TRABD2B: variants seen among roughly 807,000 people sequenced by gnomAD.
TRABD2B encodes TraB domain containing 2B.
In TRABD2B, 14 loss-of-function variants were observed where a neutral mutation model predicts 40.1. The observed-to-expected ratio is 0.35, with a 90% CI of 0.23 to 0.55. The LOEUF (loss-of-function observed/expected upper bound fraction) is 0.55. Among genes scored for constraint, TRABD2B ranks in the 20% least tolerant of loss-of-function variants. The probability of loss-of-function intolerance (pLI) is 0.90; values close to 1 mark genes in which losing one functional copy is unlikely to be tolerated. For synonymous variants in TRABD2B, 263 were observed against 277.0 expected (o/e 0.95, Z 0.50); for missense variants, 541 against 648.6 (o/e 0.83, Z 1.80).
intron 1 of TRABD2B, among the ~76,000 whole-genome samples, chr1:47,995,026 A>G (rs989277154): frequency 6.6e-6 from 1 of 152,186 alleles, no homozygotes; most frequent in African/African-American, 2.4e-5. Flanking sequence ...TGCTTGGCCA[A>G]GTCAAACCTT....
intron 2 of TRABD2B, among the ~76,000 whole-genome samples, chr1:47,949,943 G>A (rs1040936117): frequency 1.3e-5 from 2 of 152,126 alleles, no homozygotes; most frequent in African/African-American, 4.8e-5. Context: ...ATAAGAAGGA[G>A]GCAACTAAGT....
chr1:47,832,958 A>G (rs938609780), intron 2 of TRABD2B, among the ~76,000 whole-genome samples: 3 of 152,198 alleles, frequency 2.0e-5, no homozygotes, highest in African/African-American at 7.2e-5. Context: ...TCCTAGTCTC[A>G]GAGGGTCCTT....
intron 2 of TRABD2B, among the ~76,000 whole-genome samples, chr1:47,869,283 T>A (rs954241735): frequency 1.3e-5 from 2 of 152,216 alleles, no homozygotes; most frequent in African/African-American, 4.8e-5. Flanking sequence ...CATTGCTGAT[T>A]AGCAGGAAAA....
At chr1:47,837,984 C>T (rs760658270) in intron 2 of TRABD2B, among the ~76,000 whole-genome samples, 2 of 152,194 alleles carry the variant, frequency 1.3e-5, no homozygotes, top group East Asian at 1.9e-4. Flanking sequence ...AATCTCAGGG[C>T]GAAGTCCAGC....
intron 5 of TRABD2B, among the ~76,000 whole-genome samples, chr1:47,776,002 A>C (rs949540274): frequency 2.0e-5 from 3 of 152,036 alleles, no homozygotes; most frequent in Admixed American, 6.5e-5. Context: ...ACTTTAGGTG[A>C]GTTTAACCTC....
At chr1:47,992,444 G>C (rs1646025262) in intron 2 of TRABD2B, among the ~76,000 whole-genome samples, 1 of 152,216 alleles carries the variant, frequency 6.6e-6, no homozygotes, top group African/African-American at 2.4e-5. Flanking sequence ...TGCTTAGCCA[G>C]AGTTTGTGTG....
chr1:47,966,073 T>C (rs1645598179), intron 2 of TRABD2B, among the ~76,000 whole-genome samples: 1 of 152,182 alleles, frequency 6.6e-6, no homozygotes, highest in Non-Finnish European at 1.5e-5. Flanking sequence ...AAAAGGCCTA[T>C]TAAGTCCTCT....
At chr1:47,873,863 T>C (rs940708371) in intron 2 of TRABD2B, among the ~76,000 whole-genome samples, 3 of 152,216 alleles carry the variant, frequency 2.0e-5, no homozygotes, top group African/African-American at 2.4e-5. Context: ...TGACACTATA[T>C]AAAGTAGGTG....
chr1:47,778,617 C>A, intron 4 of TRABD2B, 73 bp from the exon 5 acceptor site: 1 of 1,139,848 alleles, frequency 8.8e-7, no homozygotes, highest in Non-Finnish European at 1.3e-6. Flanking sequence ...CCCAGGCCAT[C>A]CCCTAAGTTT....
intron 2 of TRABD2B, among the ~76,000 whole-genome samples, chr1:47,802,212 G>C (rs1037456260): frequency 5.9e-5 from 9 of 151,778 alleles, no homozygotes; most frequent in Non-Finnish European, 2.9e-5. Flanking sequence ...AGCCAGATCT[G>C]TGGGCATCAG....
At position 47,996,700 on chromosome 1, in the gene TRABD2B, C is replaced by T. The variant is rs377090457; in HGVS notation, c.90G>A (p.Arg30=). The T allele has an allele frequency of 2.3e-5, 28 of 1,228,844 alleles. No homozygotes were observed. In the East Asian group the frequency reaches 5.4e-4, roughly 24 times the overall value. The allele number at this position is 1,228,844 out of a possible 1,614,324, so 76.1% of individuals were successfully genotyped here. A position where few individuals can be genotyped will look rare whatever the true frequency, so the allele number is the denominator to read the frequency against. Residue 30 remains arginine, a synonymous_variant, in exon 1 of 7, where the codon CGG becomes CGA. Transcript: ENST00000606738. The surrounding 1 kb of genome is among the most constrained non-coding windows in gnomAD (Gnocchi z 4.6). ...GGCGCTCGCTCACCGATCCGGGCGG[C>T]CGGCACTGTCCTCCGTCCGGGGGCT... is the stretch of plus-strand genomic sequence containing the variant. The part of the protein sequence containing the change: ...RPQPPDGGQC[R]PPGSQRDLNS...
chr1:47,856,146 G>A (rs1379513256), intron 2 of TRABD2B, among the ~76,000 whole-genome samples: 1 of 152,252 alleles, frequency 6.6e-6, no homozygotes, highest in Non-Finnish European at 1.5e-5. Flanking sequence ...CAGCCTGGAT[G>A]AGTGGCACAG....
chr1:47,775,160 C>T lies in TRABD2B; in HGVS notation c.1349+10G>A, dbSNP rs939682395. ...CCAGCTCCTGGGCAGACCTGCCCTC[C>T]CTGGCTCACCTGTCCTCGATGCGGA... On this transcript the variant is annotated intron_variant, in intron 6 of 6. Transcript: ENST00000606738. 4.1e-6 allele frequency: 5 copies of T among 1,233,648 alleles called. No individual in the cohort carries two copies. The highest frequency in any genetic ancestry group is 4.0e-6 in the Non-Finnish European group (4 of 988,656). 76.4% of individuals were successfully genotyped at this position (1,233,648 alleles called of 1,614,324 possible). A position where few individuals can be genotyped will look rare whatever the true frequency, so the allele number is the denominator to read the frequency against.
intron 2 of TRABD2B, among the ~76,000 whole-genome samples, chr1:47,886,960 G>A (rs574159656): frequency 6.6e-6 from 1 of 152,178 alleles, no homozygotes; most frequent in Non-Finnish European, 1.5e-5. Flanking sequence ...GAACATGGAA[G>A]TGGGAGTGGG....
Position 47,773,459 on chromosome 1 carries a change from A to C in TRABD2B, c.1349+1711T>G, listed in dbSNP as rs547564010. Among the ~76,000 whole-genome samples, 5 of 152,354 alleles carry C rather than the reference A, an allele frequency of 3.3e-5. No homozygotes were observed. In the East Asian group the frequency reaches 9.7e-4, roughly 29 times the overall value. ...CTCATCTTGAATCGTAACTCCCATA[A>C]TTCCCACGTGTTGTGGGAGGGATCT... On this transcript the variant is annotated intron_variant, in intron 6 of 6. Coordinates refer to ENST00000606738, the MANE Select transcript of TRABD2B (RefSeq NM_001194986.2).
chr1:47,983,655 T>G (rs1391233298), intron 2 of TRABD2B, among the ~76,000 whole-genome samples: 3 of 151,608 alleles, frequency 2.0e-5, no homozygotes, highest in African/African-American at 7.3e-5. Context: ...ATCCAGTGGA[T>G]GCTGGAGCCA....
At chr1:47,990,102 G>GA (rs1241385864) in intron 2 of TRABD2B, among the ~76,000 whole-genome samples, 16 of 152,210 alleles carry the variant, frequency 1.1e-4, no homozygotes, top group Admixed American at 1.0e-3. Context: ...GGGACTTGTA[G>GA]AATTTTACAA....
chr1:47,967,924 A>G lies in TRABD2B; in HGVS notation c.666+26110T>C, dbSNP rs530805987. 9.8e-5 allele frequency among the ~76,000 whole-genome samples: 15 copies of G among 152,368 alleles called. No homozygotes were observed. The East Asian group carries it at 2.1e-3, about 22-fold the overall frequency. On this transcript the variant is annotated intron_variant, in intron 2 of 6. Coordinates refer to ENST00000606738, the MANE Select transcript of TRABD2B (RefSeq NM_001194986.2). ...TTATAACTTTTTATCCAGATAATTCATTTCGGTGGAAGACTTCACTCTACA... is the reference window on the plus strand; with the variant it reads ...TTATAACTTTTTATCCAGATAATTCGTTTCGGTGGAAGACTTCACTCTACA...
At chr1:47,773,447 G>C (rs1467735887) in intron 6 of TRABD2B, among the ~76,000 whole-genome samples, 1 of 152,374 alleles carries the variant, frequency 6.6e-6, no homozygotes, top group African/African-American at 2.4e-5. Context: ...ATCTTGAATC[G>C]TAACTCCCAT....
Sources: allele counts gnomAD v4.1 joint callset (sites outside exome capture counted in the v4.1 genomes callset), GRCh38; gene constraint gnomAD v4.1.1; non-coding constraint Gnocchi (gnomAD v3.1); transcripts MANE v1.5; gene names NCBI Gene and HGNC (gene_info 2026-07-23, HGNC 2026-07-21).